The following SLC4A1AP variants were observed in gnomAD, a reference collection of about 807,000 sequenced individuals.
The protein encoded by SLC4A1AP is kanadaptin.
SLC4A1AP carries 64 observed loss-of-function variants against 89.7 expected under a neutral mutation model. That is an observed-to-expected ratio of 0.71 (90% CI 0.58 to 0.88). SLC4A1AP has a LOEUF of 0.88. SLC4A1AP is among the 40% of genes least tolerant of loss of function. The pLI, the probability that SLC4A1AP is intolerant of heterozygous loss-of-function variation, is 0.00. For synonymous variants in SLC4A1AP, 366 were observed against 353.3 expected (o/e 1.04, Z -0.40); for missense variants, 931 against 965.0 (o/e 0.96, Z 0.47).
In SLC4A1AP at chr2:27,666,805, G is replaced by T. The variant is rs1675334809; in HGVS notation, c.1022-463G>T. On this transcript the variant is annotated intron_variant, in intron 2 of 13. Coordinates refer to ENST00000613058, the Ensembl canonical transcript of SLC4A1AP. ...TCATACTAGTGGTTTTGTGGTGGTT[G>T]TTCCACCCCCTGTCCCTGCAAGTAT... 2.0e-5 allele frequency among the ~76,000 whole-genome samples: 3 copies of T among 151,512 alleles called. No homozygotes were observed. In the South Asian group the frequency reaches 6.2e-4, roughly 32 times the overall value.
rs2148128639 is a variant in SLC4A1AP, at chr2:27,664,588, A to T, written c.825+11A>T. On this transcript the variant is annotated intron_variant, in intron 1 of 13. Coordinates refer to ENST00000613058, the Ensembl canonical transcript of SLC4A1AP. ...CTCTTTATCCTGCAGGTAGGTAGAAAAACCTAGAATTGAAATTTCGGGTTC... is the reference window on the plus strand; with the variant it reads ...CTCTTTATCCTGCAGGTAGGTAGAATAACCTAGAATTGAAATTTCGGGTTC... The T allele has an allele frequency of 1.9e-6, 3 of 1,589,556 alleles. No individual in the cohort carries two copies. Among genetic ancestry groups the T allele is most frequent in the East Asian group, 2.2e-5 (1 of 44,556 alleles).
At chr2:27,677,146 A>T in intron 6 of SLC4A1AP, 149 bp from the exon 7 acceptor site, 1 of 671,518 alleles carries the variant, frequency 1.5e-6, no homozygotes, top group East Asian at 2.5e-5. Flanking sequence ...TCAAAACAAA[A>T]AAAAAAGTGT....
chr2:27,689,908 T>C (rs1430225079), intron 12 of SLC4A1AP, among the ~76,000 whole-genome samples: 7 of 152,232 alleles, frequency 4.6e-5, no homozygotes, highest in Non-Finnish European at 7.3e-5. Context: ...AATTTCCCTC[T>C]ATGGGGGCTG....
intron 5 of SLC4A1AP, among the ~76,000 whole-genome samples, chr2:27,669,768 G>T (rs1021127507): frequency 6.6e-6 from 1 of 152,122 alleles, no homozygotes; most frequent in African/African-American, 2.4e-5. Context: ...TCGGCTCACT[G>T]CAACTTCCGT....
Position 27,664,142 on chromosome 2 carries a change from TC to T in SLC4A1AP, c.391del (p.Leu131TyrfsTer39). 1.2e-6 allele frequency: 2 copies of T among 1,613,922 alleles called. No homozygotes were observed. The highest frequency in any genetic ancestry group is 1.7e-6 in the Non-Finnish European group (2 of 1,179,968). On this transcript the variant is annotated frameshift_variant, in exon 1 of 14. Coordinates refer to ENST00000613058, the Ensembl canonical transcript of SLC4A1AP. LOFTEE classifies it high-confidence loss of function. ...AGCCGGACTGCGGTGATTTTAGGAGTCTACAGGAGGAGCAGTCGCGCCCCCC... is the reference window on the plus strand; with the variant it reads ...AGCCGGACTGCGGTGATTTTAGGAGTTACAGGAGGAGCAGTCGCGCCCCCC...
chr2:27,680,786 AAAC>A (rs34406797), intron 8 of SLC4A1AP, among the ~76,000 whole-genome samples: 67,617 of 147,184 alleles, frequency 0.46, 16,717 homozygotes, highest in Non-Finnish European at 0.56. Flanking sequence ...CTGCTTTGGA[AAAC>A]AACAACAACA....
intron 12 of SLC4A1AP, among the ~76,000 whole-genome samples, chr2:27,691,084 C>T (rs1016209759): frequency 6.6e-6 from 1 of 152,080 alleles, no homozygotes; most frequent in African/African-American, 2.4e-5. Flanking sequence ...CCTTCTTTCT[C>T]ATTCTTTTGG....
intron 10 of SLC4A1AP, among the ~76,000 whole-genome samples, chr2:27,685,588 A>T (rs920865996): frequency 6.6e-6 from 1 of 152,228 alleles, no homozygotes; most frequent in Non-Finnish European, 1.5e-5. Context: ...GTTGGAGGGC[A>T]GTGGAACAGG....
At chr2:27,693,585 T>A (rs1478613212) in intron 12 of SLC4A1AP, 100 bp from the exon 13 acceptor site, 1 of 810,484 alleles carries the variant, frequency 1.2e-6, no homozygotes, top group Non-Finnish European at 1.9e-6. Context: ...ATGTTTATTC[T>A]GCTTAAGGAG....
At chr2:27,680,635 A>C (rs1185355278) in intron 8 of SLC4A1AP, among the ~76,000 whole-genome samples, 1 of 151,878 alleles carries the variant, frequency 6.6e-6, no homozygotes, top group African/African-American at 2.4e-5. Flanking sequence ...ACAAAAGATA[A>C]AAACTTAGCT....
chr2:27,690,308 A>G (rs539494203), intron 12 of SLC4A1AP, among the ~76,000 whole-genome samples: 7 of 151,964 alleles, frequency 4.6e-5, no homozygotes, highest in Non-Finnish European at 1.0e-4. Flanking sequence ...TCCCCTTCCC[A>G]GCCTCCTCCC....
At chr2:27,666,891 C>T (rs115378698) in intron 2 of SLC4A1AP, among the ~76,000 whole-genome samples, 3,861 of 147,870 alleles carry the variant, frequency 0.026, 158 homozygotes, top group African/African-American at 0.092. Context: ...TTTTGGGAGA[C>T]GGTCTCACTG....
chr2:27,681,554 A>G (rs1675619597), intron 8 of SLC4A1AP, among the ~76,000 whole-genome samples: 1 of 152,068 alleles, frequency 6.6e-6, no homozygotes, highest in Non-Finnish European at 1.5e-5. Context: ...CTCATGCCAT[A>G]TTCTCATTGT....
At chr2:27,667,541 G>T in intron 3 of SLC4A1AP, 151 bp downstream of exon 3, 1 of 709,732 alleles carries the variant, frequency 1.4e-6, no homozygotes, top group Non-Finnish European at 2.1e-6. Context: ...GTTGCTTTAG[G>T]TTTATTTTGA....
chr2:27,682,732 C>T (rs975885538), intron 9 of SLC4A1AP, among the ~76,000 whole-genome samples: 2 of 152,072 alleles, frequency 1.3e-5, no homozygotes, highest in African/African-American at 4.8e-5. Context: ...CCATGTTGGC[C>T]AGGATGGTCT....
chr2:27,688,042 A>C, intron 11 of SLC4A1AP, 22 bp downstream of exon 11: 1 of 1,599,734 alleles, frequency 6.3e-7, no homozygotes, highest in Non-Finnish European at 8.6e-7. Context: ...GGCAGCCTTC[A>C]TTGCTGCTCT....
chr2:27,671,017 G>A lies in SLC4A1AP; in HGVS notation c.1345+1630G>A, dbSNP rs1268294076. On this transcript the variant is annotated intron_variant, in intron 5 of 13. Coordinates refer to ENST00000613058, the Ensembl canonical transcript of SLC4A1AP. Reference sequence around the variant, plus strand: ...TGGCTCACTGCAACCTCTGCTTCTCGGGTTCAAGTGATTCTTCTGCCTCAG... The same window carrying A: ...TGGCTCACTGCAACCTCTGCTTCTCAGGTTCAAGTGATTCTTCTGCCTCAG... Among the ~76,000 whole-genome samples the A allele has an allele frequency of 4.9e-5, 7 of 142,840 alleles. No homozygotes were observed. In the South Asian group the frequency reaches 6.4e-4, roughly 13 times the overall value. 93.7% of individuals were successfully genotyped at this position (142,840 alleles called of 152,430 possible).
At chr2:27,680,386 C>G (rs1249392728) in intron 8 of SLC4A1AP, among the ~76,000 whole-genome samples, 1 of 152,146 alleles carries the variant, frequency 6.6e-6, no homozygotes, top group Non-Finnish European at 1.5e-5. Context: ...AGCCATACCA[C>G]TTTAGGTCCA....
At chr2:27,664,131 G>A in exon 1 of SLC4A1AP, 1 of 1,614,188 alleles carries the variant, frequency 6.2e-7, no homozygotes, top group Non-Finnish European at 8.5e-7. Context: ...GGACTGCGGT[G>A]ATTTTAGGAG....
Sources: gnomAD v4.1 joint callset for allele counts (sites outside exome capture counted in the v4.1 genomes callset) on GRCh38, gnomAD v4.1.1 for gene constraint, MANE v1.5 for transcripts, NCBI Gene and HGNC (gene_info 2026-07-23, HGNC 2026-07-21) for gene names.